DPP10: variants seen among roughly 807,000 people sequenced by gnomAD.
DPP10 encodes the protein inactive dipeptidyl peptidase 10.
A neutral mutation model predicts 120.9 loss-of-function variants in DPP10; 33 were observed. That is an observed-to-expected ratio of 0.27 (90% confidence interval 0.21 to 0.37). DPP10 has a LOEUF of 0.37. DPP10 is among the 10% of genes least tolerant of loss of function. The pLI is 1.00. For missense variants in DPP10, 816 were observed against 942.8 expected, an observed-to-expected ratio of 0.87 and a Z score of 1.76; for synonymous variants, 337 against 326.1, an observed-to-expected ratio of 1.03 and a Z score of -0.36.
At chr2:115,041,154 C>T (rs538791322) in intron 1 of DPP10, among the ~76,000 whole-genome samples, 33 of 151,294 alleles carry the variant, frequency 2.2e-4, no homozygotes, top group African/African-American at 7.3e-4. Context: ...CCTGAGTTCT[C>T]CCCAGCCATG....
chr2:115,409,634 C>T (rs536112910), intron 3 of DPP10, among the ~76,000 whole-genome samples: 2 of 152,236 alleles, frequency 1.3e-5, no homozygotes, highest in Admixed American at 6.5e-5. Flanking sequence ...ATAGATCTAC[C>T]ATTTGATCCA....
At chr2:114,774,667 A>G (rs1466303817) in intron 1 of DPP10, among the ~76,000 whole-genome samples, 2 of 148,290 alleles carry the variant, frequency 1.3e-5, no homozygotes, top group Non-Finnish European at 3.0e-5. Context: ...ATAATGATGT[A>G]TATATATATA....
At chr2:114,912,252 G>C (rs921893299) in intron 1 of DPP10, among the ~76,000 whole-genome samples, 3 of 152,012 alleles carry the variant, frequency 2.0e-5, no homozygotes, top group African/African-American at 7.2e-5. Context: ...CATTTCTCAG[G>C]GGAGGAGTGA....
chr2:115,153,300 G>A (rs1020226655), intron 1 of DPP10, among the ~76,000 whole-genome samples: 1 of 152,166 alleles, frequency 6.6e-6, no homozygotes, highest in Non-Finnish European at 1.5e-5. Context: ...TGTTGGGAAA[G>A]GGGCTCCCCA....
chr2:115,791,432 A>G (rs1420513089), intron 19 of DPP10, 76 bp downstream of exon 19: 1 of 1,323,166 alleles, frequency 7.6e-7, no homozygotes, highest in Non-Finnish European at 1.0e-6. Flanking sequence ...ACAACATTTG[A>G]TTCAATAAAG....
chr2:115,381,458 A>T (rs545655206), intron 3 of DPP10, among the ~76,000 whole-genome samples: 1 of 151,860 alleles, frequency 6.6e-6, no homozygotes, highest in Non-Finnish European at 1.5e-5. Flanking sequence ...ATTCTTCTAA[A>T]TTTTTTTCAA....
chr2:114,834,525 T>A (rs1687474936), intron 1 of DPP10, among the ~76,000 whole-genome samples: 1 of 151,300 alleles, frequency 6.6e-6, no homozygotes, highest in Non-Finnish European at 1.5e-5. Context: ...ATAAGACATA[T>A]CTACGCACCT....
intron 1 of DPP10, among the ~76,000 whole-genome samples, chr2:114,593,222 G>T (rs1483941145): frequency 6.6e-6 from 1 of 152,150 alleles, no homozygotes; most frequent in East Asian, 1.9e-4. Flanking sequence ...TAAGAAGAAG[G>T]CTGCAGCATG....
intron 3 of DPP10, among the ~76,000 whole-genome samples, chr2:115,378,326 G>A (rs1488655053): frequency 1.4e-5 from 2 of 138,630 alleles, no homozygotes; most frequent in African/African-American, 5.0e-5. Flanking sequence ...TTGTGAATGG[G>A]AGTTCACTCA....
intron 1 of DPP10, among the ~76,000 whole-genome samples, chr2:114,691,275 G>A (rs1206131014): frequency 7.2e-5 from 11 of 152,030 alleles, no homozygotes; most frequent in Admixed American, 7.2e-4. Context: ...TAAACATAAA[G>A]GGATGTTGAA....
intron 3 of DPP10, among the ~76,000 whole-genome samples, chr2:115,437,517 T>A (rs1018705603): frequency 6.6e-6 from 1 of 152,056 alleles, no homozygotes; most frequent in Non-Finnish European, 1.5e-5. Flanking sequence ...TGTTACTCAA[T>A]GATCTTCAGG....
intron 3 of DPP10, among the ~76,000 whole-genome samples, 156 bp from the exon 4 acceptor site, chr2:115,499,354 C>T (rs186274968): frequency 1.3e-3 from 200 of 152,096 alleles, no homozygotes; most frequent in Non-Finnish European, 2.4e-3. Context: ...TGATCTTTCA[C>T]GAGAATGAAT....
intron 1 of DPP10, among the ~76,000 whole-genome samples, chr2:114,571,582 C>T (rs565736024): frequency 1.1e-4 from 17 of 152,134 alleles, no homozygotes; most frequent in African/African-American, 2.7e-4. Flanking sequence ...AGAGGGCAGA[C>T]GCCACCGCTA....
At chr2:114,898,543 G>A (rs1693257585) in intron 1 of DPP10, among the ~76,000 whole-genome samples, 1 of 152,022 alleles carries the variant, frequency 6.6e-6, no homozygotes, top group Non-Finnish European at 1.5e-5. Context: ...GAAATAAATA[G>A]TATAGTTTCA....
At chr2:115,356,631 C>G (rs535656496) in intron 3 of DPP10, among the ~76,000 whole-genome samples, 2 of 152,086 alleles carry the variant, frequency 1.3e-5, no homozygotes, top group Admixed American at 1.3e-4. Flanking sequence ...TGTTTTTAAC[C>G]AGTTTTCAAA....
intron 11 of DPP10, among the ~76,000 whole-genome samples, chr2:115,755,610 T>C (rs1377224529): frequency 2.6e-5 from 4 of 152,062 alleles, no homozygotes; most frequent in Non-Finnish European, 5.9e-5. Flanking sequence ...TAGGCAAAGA[T>C]TTTATGGCTA....
intron 1 of DPP10, among the ~76,000 whole-genome samples, chr2:114,876,930 C>A (rs1005340655): frequency 7.2e-5 from 11 of 151,926 alleles, no homozygotes; most frequent in Admixed American, 4.6e-4. Context: ...TTCCTTTCCT[C>A]TGCAGTCTCT....
rs1264481594 is a variant in DPP10 at position 114,481,039 on chromosome 2, G to T, written c.60+38201G>T. 4.0e-5 allele frequency among the ~76,000 whole-genome samples: 6 copies of T among 151,332 alleles called. No homozygotes were observed. In the East Asian group the frequency reaches 1.2e-3, roughly 29 times the overall value. ...AAAGCAGTTAGGGGAAAAAAAAACA[G>T]GAGAAAATCTTCAAGATTTACCATG... On this transcript the variant is annotated intron_variant, in intron 1 of 25. Transcript: ENST00000410059.
intron 5 of DPP10, among the ~76,000 whole-genome samples, chr2:115,643,471 T>C (rs1255500427): frequency 6.6e-6 from 1 of 152,128 alleles, no homozygotes; most frequent in Non-Finnish European, 1.5e-5. Flanking sequence ...ATCCATATAC[T>C]GCACCAAGAT....
Sources: gnomAD v4.1 joint callset for allele counts (sites outside exome capture counted in the v4.1 genomes callset) on GRCh38, gnomAD v4.1.1 for gene constraint, MANE v1.5 for transcripts, NCBI Gene and HGNC (gene_info 2026-07-23, HGNC 2026-07-21) for gene names.